Variants in CXXC4 observed in about 807,000 individuals in gnomAD.
CXXC4 encodes CXXC finger protein 4, also known as CXXC-type zinc finger protein 4.
In CXXC4, 5 loss-of-function variants were observed where a neutral mutation model predicts 20.5. The observed-to-expected ratio is 0.24, with a 90% CI of 0.13 to 0.51. The LOEUF is 0.51. Ranked by LOEUF, CXXC4 falls within the 20% of genes least tolerant of loss-of-function variation. The pLI, the probability that CXXC4 is intolerant of heterozygous loss-of-function variation, is 0.97. For missense variants in CXXC4, 419 were observed against 496.4 expected (o/e 0.84, Z 1.48); for synonymous variants, 250 against 216.4 (o/e 1.16, Z -1.36).
At position 104,491,312 on chromosome 4, in the gene CXXC4, C is replaced by CCGA. The variant is rs1336651930; in HGVS notation, c.490_491insTCG (p.Gly163_Gly164insVal). The CCGA allele has an allele frequency of 6.4e-7, 1 of 1,554,494 alleles. No individual in the cohort carries two copies. The highest frequency in any genetic ancestry group is 1.9e-5 in the Admixed American group (1 of 52,904). The stretch of plus-strand genomic sequence containing the variant: ...GTGGTGCATGCTGGTCCTGCTGCCG[C>CCGA]CGCCGCCGCCGCCGCCGCCACCGCC... On this transcript the variant is annotated inframe_insertion, in exon 2 of 3. Coordinates refer to ENST00000394767, the MANE Select transcript of CXXC4 (RefSeq NM_025212.4).
At chr4:104,489,084 C>T (rs572499326) in intron 2 of CXXC4, among the ~76,000 whole-genome samples, 1 of 152,242 alleles carries the variant, frequency 6.6e-6, no homozygotes, top group East Asian at 1.9e-4. Flanking sequence ...GATTCAAAAG[C>T]TATTTTTTGC....
chr4:104,485,169 AT>A (rs1232326989), intron 2 of CXXC4, among the ~76,000 whole-genome samples: 2 of 152,072 alleles, frequency 1.3e-5, no homozygotes, highest in African/African-American at 4.8e-5. Context: ...ATCATCTGAC[AT>A]TTTGATCAGT....
intron 1 of CXXC4, among the ~76,000 whole-genome samples, chr4:104,492,850 G>A (rs2110282093): frequency 6.6e-6 from 1 of 152,200 alleles, no homozygotes; most frequent in Non-Finnish European, 1.5e-5. Context: ...AGAAAATAAA[G>A]ATAAGCCAGA....
At chr4:104,479,972 T>C (rs1476656576) in intron 2 of CXXC4, among the ~76,000 whole-genome samples, 2 of 152,132 alleles carry the variant, frequency 1.3e-5, no homozygotes, top group African/African-American at 2.4e-5. Context: ...AATAATTAAT[T>C]TAATTTTTAT....
At chr4:104,484,986 A>C (rs1398806324) in intron 2 of CXXC4, among the ~76,000 whole-genome samples, 1 of 152,064 alleles carries the variant, frequency 6.6e-6, no homozygotes, top group Non-Finnish European at 1.5e-5. Context: ...AAAATGCTAG[A>C]TTTAAAAGTA....
intron 1 of CXXC4, among the ~76,000 whole-genome samples, chr4:104,494,193 T>C (rs144974641): frequency 5.3e-5 from 8 of 152,326 alleles, no homozygotes; most frequent in African/African-American, 1.7e-4. Flanking sequence ...AAAAACAAAA[T>C]AAAACACACA....
In CXXC4 at chr4:104,468,818, G is replaced by A. The variant is rs951450846; in HGVS notation, c.*3504C>T. 6.6e-6 allele frequency: 1 copy of A among 151,790 alleles called. No homozygotes were observed. The highest frequency in any genetic ancestry group is 1.9e-4 in the East Asian group (1 of 5,188). The allele number at this position is 151,790 out of a possible 1,614,324, so 9.4% of individuals were successfully genotyped here. On this transcript the variant is annotated 3_prime_UTR_variant, in exon 3 of 3. Coordinates refer to ENST00000394767, the MANE Select transcript of CXXC4 (RefSeq NM_025212.4). ...CTTTTTGCTGAACATATTTGACCCT[G>A]AATAGTGTGTTCATTTAACTGCTTT...
At chr4:104,489,475 G>A (rs1409447975) in intron 2 of CXXC4, among the ~76,000 whole-genome samples, 1 of 152,108 alleles carries the variant, frequency 6.6e-6, no homozygotes, top group South Asian at 2.1e-4. Flanking sequence ...ATTTTTAAAA[G>A]AATGTACAGA....
At chr4:104,492,458 T>C in intron 1 of CXXC4, among the ~76,000 whole-genome samples, 1 of 151,992 alleles carries the variant, frequency 6.6e-6, no homozygotes. Flanking sequence ...ATGAAATGTG[T>C]GAACAAGTGC....
At chr4:104,478,550 C>T (rs1377927928) in intron 2 of CXXC4, among the ~76,000 whole-genome samples, 1 of 152,056 alleles carries the variant, frequency 6.6e-6, no homozygotes, top group Admixed American at 6.6e-5. Flanking sequence ...CTTGATAATG[C>T]TATGCGTATA....
In CXXC4 at chr4:104,472,171, T is replaced by C. The variant is rs1405928028; in HGVS notation, c.*151A>G. On this transcript the variant is annotated 3_prime_UTR_variant, in exon 3 of 3. Coordinates refer to ENST00000394767, the MANE Select transcript of CXXC4 (RefSeq NM_025212.4). Reference sequence around the variant, plus strand: ...TTTATGTCTTTTTCTTTTCTTTTCCTCTTTTTTTTTTTTTTTGAAGAAAGC... The same window carrying C: ...TTTATGTCTTTTTCTTTTCTTTTCCCCTTTTTTTTTTTTTTTGAAGAAAGC... 2.7e-5 allele frequency: 10 copies of C among 366,050 alleles called. No individual in the cohort carries two copies. Among genetic ancestry groups the C allele is most frequent in the Middle Eastern group, 7.0e-4 (1 of 1,434 alleles). The allele number at this position is 366,050 out of a possible 1,614,324, so 22.7% of individuals were successfully genotyped here. A position where few individuals can be genotyped will look rare whatever the true frequency, so the allele number is the denominator to read the frequency against.
At chr4:104,477,987 A>G (rs115817141) in intron 2 of CXXC4, among the ~76,000 whole-genome samples, 1 of 152,150 alleles carries the variant, frequency 6.6e-6, no homozygotes, top group Non-Finnish European at 1.5e-5. Flanking sequence ...TTAGACCCCT[A>G]TTTAAAAAGG....
rs573531460 is a variant in CXXC4, at chr4:104,487,035, T to C, written c.1059+3709A>G. Among the ~76,000 whole-genome samples the C allele has an allele frequency of 7.2e-3, 1,099 of 152,252 alleles. 14 individuals carry two copies. Among genetic ancestry groups the C allele is most frequent in the Non-Finnish European group, 0.012 (794 of 67,992 alleles). ...TTTTTCTGCCAACCCCCTTAGAAACTCAACCTAACTTGTGGAAAAATTACT... is the reference window on the plus strand; with the variant it reads ...TTTTTCTGCCAACCCCCTTAGAAACCCAACCTAACTTGTGGAAAAATTACT... On this transcript the variant is annotated intron_variant, in intron 2 of 2. Coordinates refer to ENST00000394767, the MANE Select transcript of CXXC4 (RefSeq NM_025212.4).
At chr4:104,474,977 G>A (rs918481104) in intron 2 of CXXC4, 1 of 152,038 alleles carries the variant, frequency 6.6e-6, no homozygotes, top group Non-Finnish European at 1.5e-5. Flanking sequence ...TAGTGTCAAA[G>A]GTCATTGTTG....
intron 2 of CXXC4, among the ~76,000 whole-genome samples, chr4:104,485,030 TGAA>T (rs1485202562): frequency 2.0e-5 from 3 of 151,914 alleles, no homozygotes; most frequent in African/African-American, 7.2e-5. Flanking sequence ...GATGCACAAA[TGAA>T]GGAACAAAAT....
chr4:104,490,193 T>C (rs1035766774), intron 2 of CXXC4, among the ~76,000 whole-genome samples: 1 of 152,054 alleles, frequency 6.6e-6, no homozygotes, highest in Non-Finnish European at 1.5e-5. Flanking sequence ...CCTTGATGAG[T>C]AGAAAAATGA....
In CXXC4 at chr4:104,494,697, A is replaced by T. The variant is rs1736996345; in HGVS notation, c.-258+4T>A. ...TAAATAAATATGCGGATCAAAAAAA[A>T]TACCTGTAAATGGCTTTTTTTTCTT... On this transcript the variant is annotated splice_donor_region_variant and intron_variant, in intron 1 of 2. Coordinates refer to ENST00000394767, the MANE Select transcript of CXXC4 (RefSeq NM_025212.4). 6.7e-6 allele frequency: 1 copy of T among 148,504 alleles called. No individual in the cohort carries two copies. Among genetic ancestry groups the T allele is most frequent in the Admixed American group, 6.7e-5 (1 of 14,892 alleles). 9.2% of individuals were successfully genotyped at this position (148,504 alleles called of 1,614,324 possible). A position where few individuals can be genotyped will look rare whatever the true frequency, so the allele number is the denominator to read the frequency against.
chr4:104,491,334 C>A lies in CXXC4; in HGVS notation c.469G>T (p.Gly157Cys). ...SSSSAILPAG[G>C]GGGGGGGGSR... ...CCGCCGCCGCCGCCGCCGCCGCCAC[C>A]GCCGGCGGGGAGGATCGCCGAGGAG... The change falls in exon 2 of 3, where the codon GGT becomes TGT. Residue 157 changes from glycine (G) to cysteine (C), a missense_variant. Gly to Cys is a radical substitution (Grantham distance 159, BLOSUM62 -3). This residue lies in a region of CXXC4 where 388 missense variants were observed against 416.0 expected (regional missense o/e 0.93). Transcript: ENST00000394767. The A allele has an allele frequency of 6.5e-7, 1 of 1,549,566 alleles. No homozygotes were observed. Among genetic ancestry groups the A allele is most frequent in the Non-Finnish European group, 8.7e-7 (1 of 1,150,780 alleles).
intron 2 of CXXC4, among the ~76,000 whole-genome samples, chr4:104,477,284 A>G (rs1361442035): frequency 6.6e-6 from 1 of 152,178 alleles, no homozygotes; most frequent in Non-Finnish European, 1.5e-5. Flanking sequence ...TGATGGTGAA[A>G]AAAACTACCT....
Sources: gnomAD v4.1 joint callset for allele counts (sites outside exome capture counted in the v4.1 genomes callset) on GRCh38, gnomAD v4.1.1 for gene constraint, gnomAD v4.1.1 regional missense constraint, MANE v1.5 for transcripts, NCBI Gene and HGNC (gene_info 2026-07-23, HGNC 2026-07-21) for gene names.